Variants in DGKB observed in about 807,000 individuals in gnomAD.
The protein encoded by DGKB is diacylglycerol kinase beta.
A neutral mutation model predicts 114.3 loss-of-function variants in DGKB; 67 were observed. The observed-to-expected ratio is 0.59, with a 90% CI of 0.48 to 0.72. DGKB has a LOEUF of 0.72. Among genes scored for constraint, DGKB ranks in the 30% least tolerant of loss-of-function variants. The pLI is 0.00. For synonymous variants in DGKB, 398 were observed against 323.1 expected, an observed-to-expected ratio of 1.23 and a Z score of -2.49; for missense variants, 907 against 975.2, an observed-to-expected ratio of 0.93 and a Z score of 0.93.
At chr7:14,877,529 C>T (rs560599670) in intron 1 of DGKB, among the ~76,000 whole-genome samples, 33 of 151,730 alleles carry the variant, frequency 2.2e-4, no homozygotes, top group African/African-American at 7.3e-4. Flanking sequence ...CACTCCAGCC[C>T]GGGGAAAAAT....
At chr7:14,748,001 T>C (rs1833603736) in intron 4 of DGKB, among the ~76,000 whole-genome samples, 1 of 152,210 alleles carries the variant, frequency 6.6e-6, no homozygotes, top group South Asian at 2.1e-4. Flanking sequence ...TCCTTTGTTT[T>C]TAAATCCCTG....
At chr7:14,495,471 T>C (rs928083561) in intron 20 of DGKB, among the ~76,000 whole-genome samples, 1 of 151,842 alleles carries the variant, frequency 6.6e-6, no homozygotes, top group Non-Finnish European at 1.5e-5. Flanking sequence ...TTCAGGCTTA[T>C]AGTCTTTTGA....
At chr7:14,586,612 CA>C in intron 17 of DGKB, among the ~76,000 whole-genome samples, 1 of 152,194 alleles carries the variant, frequency 6.6e-6, no homozygotes, top group South Asian at 2.1e-4. Flanking sequence ...AAGGAGAAGT[CA>C]ATGCCTGGCC....
intron 13 of DGKB, among the ~76,000 whole-genome samples, chr7:14,665,917 A>G (rs1192254536): frequency 6.6e-6 from 1 of 152,048 alleles, no homozygotes; most frequent in Non-Finnish European, 1.5e-5. Context: ...GGCCTATTTT[A>G]TCGATTTCTG....
chr7:14,714,455 C>T (rs979468130), intron 6 of DGKB, among the ~76,000 whole-genome samples: 2 of 151,746 alleles, frequency 1.3e-5, no homozygotes, highest in Admixed American at 1.3e-4. Context: ...TTCAATTTTA[C>T]GCATTATGAA....
At chr7:14,267,468 ATTTTTTTTTTC>A (rs1797677918) in intron 23 of DGKB, among the ~76,000 whole-genome samples, 1 of 110,236 alleles carries the variant, frequency 9.1e-6, no homozygotes, top group Non-Finnish European at 1.8e-5. Context: ...ATAAGTGCTT[ATTTTTTTTTTC>A]TTTTTTTTTT....
At chr7:14,222,985 G>T (rs116648774) in intron 23 of DGKB, among the ~76,000 whole-genome samples, 359 of 151,684 alleles carry the variant, frequency 2.4e-3, no homozygotes, top group African/African-American at 7.3e-3. Context: ...TGCATGATCT[G>T]TCTTTCCCAG....
chr7:14,682,973 G>T, intron 10 of DGKB, 132 bp from the exon 11 acceptor site: 1 of 658,990 alleles, frequency 1.5e-6, no homozygotes, highest in Non-Finnish European at 2.7e-6. Context: ...GCCACATCAA[G>T]GAGAAGTCCA....
At chr7:14,292,539 C>T (rs908840860) in intron 23 of DGKB, among the ~76,000 whole-genome samples, 1 of 152,050 alleles carries the variant, frequency 6.6e-6, no homozygotes, top group Non-Finnish European at 1.5e-5. Flanking sequence ...GTTTTTGAGC[C>T]CCCAAATAGG....
In DGKB at chr7:14,147,997, T is replaced by C. The variant is rs939646358; in HGVS notation, c.*1134A>G. On this transcript the variant is annotated 3_prime_UTR_variant, in exon 26 of 26. Transcript: ENST00000402815. The stretch of plus-strand genomic sequence containing the variant: ...ATTCGCTTCCAAGAGCTCAGTATTA[T>C]TACAGGTACCCATTTATACTAGAAA... The C allele has an allele frequency of 1.3e-5, 2 of 152,116 alleles. No homozygotes were observed. Among genetic ancestry groups the C allele is most frequent in the East Asian group, 3.9e-4 (2 of 5,186 alleles). 9.4% of individuals were successfully genotyped at this position (152,116 alleles called of 1,614,324 possible).
At chr7:14,856,316 T>C (rs1246820293) in intron 1 of DGKB, among the ~76,000 whole-genome samples, 5 of 152,122 alleles carry the variant, frequency 3.3e-5, no homozygotes, top group African/African-American at 4.8e-5. Context: ...AAGATTCTCA[T>C]TGAAATACAA....
At chr7:14,697,954 A>G in intron 8 of DGKB, 141 bp downstream of exon 8, 1 of 606,854 alleles carries the variant, frequency 1.6e-6, no homozygotes, top group Non-Finnish European at 2.9e-6. Flanking sequence ...AGAAAGGGAG[A>G]TAGAAGGAAG....
At chr7:14,157,685 T>C (rs1783224442) in intron 25 of DGKB, among the ~76,000 whole-genome samples, 2 of 152,288 alleles carry the variant, frequency 1.3e-5, no homozygotes, top group Admixed American at 1.3e-4. Context: ...CAAAATATTT[T>C]TGTGGCTCTA....
chr7:14,464,674 T>C (rs1474451486), intron 21 of DGKB, among the ~76,000 whole-genome samples: 2 of 152,190 alleles, frequency 1.3e-5, no homozygotes, highest in African/African-American at 2.4e-5. Flanking sequence ...TTGTTAGTAT[T>C]TTTATCACAT....
rs537238329 is a variant in DGKB at position 14,948,413 on chromosome 7, A to T, written c.-188+26283T>A. 3.3e-5 allele frequency among the ~76,000 whole-genome samples: 5 copies of T among 151,896 alleles called. No homozygotes were observed. In the East Asian group the frequency reaches 7.7e-4, roughly 24 times the overall value. On this transcript the variant is annotated intron_variant, in intron 1 of 4. Coordinates refer to the DGKB transcript ENST00000437998. ...GCACTACTGGTTTCATTAGAATGTT[A>T]AGGAAATTTCTGAAGCTTAAAACAA...
In DGKB at chr7:14,687,067, G is replaced by A. The variant is rs1365390389; in HGVS notation, c.712-1705C>T. On this transcript the variant is annotated intron_variant, in intron 9 of 25. Transcript: ENST00000402815. ...ATTCATTTAGTTTTCTTAAGTCAGG[G>A]TTTCCAAAACGTGATGCTGTGCACA... is the stretch of plus-strand genomic sequence containing the variant. Among the ~76,000 whole-genome samples the A allele has an allele frequency of 5.9e-5, 9 of 152,130 alleles. No homozygotes were observed. In the South Asian group the frequency reaches 1.9e-3, roughly 32 times the overall value.
chr7:14,425,215 T>C (rs967230899), intron 21 of DGKB, among the ~76,000 whole-genome samples: 2 of 152,142 alleles, frequency 1.3e-5, no homozygotes, highest in Admixed American at 6.6e-5. Context: ...TGCTTGATCA[T>C]TGAATTAAAA....
chr7:14,191,732 G>T, intron 23 of DGKB: 1 of 343,468 alleles, frequency 2.9e-6, no homozygotes, highest in African/African-American at 2.2e-5. Context: ...TGTTCACTGT[G>T]CCAACATTGC....
intron 13 of DGKB, among the ~76,000 whole-genome samples, chr7:14,656,902 C>T (rs1044601065): frequency 2.6e-5 from 4 of 151,542 alleles, no homozygotes; most frequent in African/African-American, 9.7e-5. Flanking sequence ...TTCTTTTAGA[C>T]TAGACCCTGT....
Sources: gnomAD v4.1 joint callset for allele counts (sites outside exome capture counted in the v4.1 genomes callset) on GRCh38, gnomAD v4.1.1 for gene constraint, MANE v1.5 for transcripts, NCBI Gene and HGNC (gene_info 2026-07-23, HGNC 2026-07-21) for gene names.